Variants in KLRG1 observed in about 807,000 individuals in gnomAD.
KLRG1 encodes the protein killer cell lectin-like receptor subfamily G member 1.
In KLRG1, 16 loss-of-function variants were observed where a neutral mutation model predicts 21.8. That is an observed-to-expected ratio of 0.73 (90% CI 0.50 to 1.11). The LOEUF (loss-of-function observed/expected upper bound fraction) is 1.11. KLRG1 is among the 50% of genes most tolerant of loss of function. The pLI is 0.00. For missense variants in KLRG1, 173 were observed against 218.3 expected (o/e 0.79, Z 1.31); for synonymous variants, 69 against 75.9 (o/e 0.91, Z 0.47).
intron 1 of KLRG1, among the ~76,000 whole-genome samples, chr12:8,952,296 G>A (rs1439575573): frequency 6.6e-6 from 1 of 152,166 alleles, no homozygotes; most frequent in East Asian, 1.9e-4. Flanking sequence ...GTAATTAACA[G>A]TCCTAGAACC....
At chr12:9,044,576 A>T in the KLRG1 span, among the ~76,000 whole-genome samples, 2 of 152,142 alleles carry the variant, frequency 1.3e-5, no homozygotes, top group Middle Eastern at 3.2e-3. Context: ...CTGAGGCAGG[A>T]GAACTGCTTG....
At chr12:9,077,398 G>T in the KLRG1 span, 9 of 1,613,410 alleles carry the variant, frequency 5.6e-6, no homozygotes, top group South Asian at 1.1e-5. Context: ...GGCGGAGAGG[G>T]TCACTTCATC....
At chr12:9,080,207 A>G in the KLRG1 span, 1 of 1,429,142 alleles carries the variant, frequency 7.0e-7, no homozygotes, top group Non-Finnish European at 9.7e-7. Context: ...AGACATATGA[A>G]AATTATTTCT....
the KLRG1 span, chr12:9,160,518 G>T: frequency 6.3e-7 from 1 of 1,595,994 alleles, no homozygotes; most frequent in South Asian, 1.1e-5. Context: ...TTAGATGTCA[G>T]AATAATTTCA....
At position 8,967,117 on chromosome 12, in the gene KLRG1, T is replaced by C. The variant is rs951226758; in HGVS notation, c.-156+16881T>C. Among the ~76,000 whole-genome samples, 47 of 140,996 alleles carry C rather than the reference T, an allele frequency of 3.3e-4. 1 individual carries two copies. The highest frequency in any genetic ancestry group is 1.2e-3 in the African/African-American group (45 of 37,782). The allele number at this position is 140,996 out of a possible 152,430, so 92.5% of individuals were successfully genotyped here. A position where few individuals can be genotyped will look rare whatever the true frequency, so the allele number is the denominator to read the frequency against. On this transcript the variant is annotated intron_variant, in intron 1 of 4. Transcript: ENST00000539240. ...ACCAAACACCGCATGTTCTCACTCA[T>C]AGGTGGGACTTGAACTATGAGAACA...
upstream of KLRG1, among the ~76,000 whole-genome samples, chr12:8,988,114 A>G (rs747445315): frequency 6.6e-6 from 1 of 152,212 alleles, no homozygotes; most frequent in African/African-American, 2.4e-5. Context: ...ACAGACATAC[A>G]GTGAATTCCT....
chr12:9,079,300 A>G, the KLRG1 span: 21 of 1,613,714 alleles, frequency 1.3e-5, no homozygotes, highest in South Asian at 8.8e-5. Context: ...AGGAGCCATC[A>G]TAGTGTTTGT....
At chr12:9,070,510 G>T in the KLRG1 span, 1 of 1,613,416 alleles carries the variant, frequency 6.2e-7, no homozygotes, top group Non-Finnish European at 8.5e-7. Context: ...TGGCTTCAGG[G>T]GAATGAAGCC....
the KLRG1 span, among the ~76,000 whole-genome samples, chr12:9,024,849 C>A: frequency 6.6e-6 from 1 of 152,256 alleles, no homozygotes; most frequent in Admixed American, 6.5e-5. Flanking sequence ...GCTAGTAATG[C>A]TCTCACAGGG....
At chr12:8,998,558 G>A (rs1455250959) in intron 3 of KLRG1, among the ~76,000 whole-genome samples, 6 of 151,538 alleles carry the variant, frequency 4.0e-5, no homozygotes, top group South Asian at 2.1e-4. Flanking sequence ...GTGTGGTGGC[G>A]CACACCTGTG....
the KLRG1 span, among the ~76,000 whole-genome samples, chr12:9,053,853 A>G: frequency 3.3e-5 from 5 of 152,158 alleles, no homozygotes; most frequent in African/African-American, 1.2e-4. Flanking sequence ...ACTGACATCA[A>G]CTGGTCTGAA....
the KLRG1 span, among the ~76,000 whole-genome samples, chr12:9,207,326 C>T: frequency 6.6e-6 from 1 of 152,150 alleles, no homozygotes; most frequent in South Asian, 2.1e-4. Context: ...CACCTCAGTG[C>T]CTATGTGCTA....
the KLRG1 span, among the ~76,000 whole-genome samples, chr12:9,162,053 C>T: frequency 2.0e-5 from 3 of 152,122 alleles, no homozygotes; most frequent in African/African-American, 7.2e-5. Flanking sequence ...CCTCCCCCTG[C>T]CCGGCTCAAG....
the KLRG1 span, chr12:9,095,732 T>TTATTTG: frequency 2.2e-3 from 2,575 of 1,151,156 alleles, 18 homozygotes; most frequent in Non-Finnish European, 2.5e-3. Flanking sequence ...AAAGGCAAAC[T>TTATTTG]TATTTGTGAC....
In KLRG1 at chr12:9,009,727, AG is replaced by A; in HGVS notation, c.*191del. 7.0e-7 allele frequency: 1 copy of A among 1,419,422 alleles called. No homozygotes were observed. Among genetic ancestry groups the A allele is most frequent in the East Asian group, 2.5e-5 (1 of 39,250 alleles). The allele number at this position is 1,419,422 out of a possible 1,614,324, so 87.9% of individuals were successfully genotyped here. On this transcript the variant is annotated 3_prime_UTR_variant, in exon 5 of 5. Transcript: ENST00000356986. Reference sequence around the variant, plus strand: ...TGATGGATTCTCTTTGAGACTATTTAGATATTATGTGAGCAATTTAAAGACC... The same window carrying A: ...TGATGGATTCTCTTTGAGACTATTTAATATTATGTGAGCAATTTAAAGACC...
chr12:9,144,014 C>T, the KLRG1 span, among the ~76,000 whole-genome samples: 1 of 152,234 alleles, frequency 6.6e-6, no homozygotes, highest in Non-Finnish European at 1.5e-5. Context: ...CCCACTGGTC[C>T]TCTGAGGATC....
At chr12:9,056,126 A>T in the KLRG1 span, among the ~76,000 whole-genome samples, 2 of 152,212 alleles carry the variant, frequency 1.3e-5, no homozygotes, top group Non-Finnish European at 2.9e-5. Context: ...CACTGTATTC[A>T]GCAAATTTGC....
intron 1 of KLRG1, among the ~76,000 whole-genome samples, chr12:8,968,386 A>G (rs1946514116): frequency 6.6e-6 from 1 of 152,210 alleles, no homozygotes; most frequent in South Asian, 2.1e-4. Context: ...TTTATAAGGG[A>G]TAAGGGGTGA....
chr12:9,190,506 C>T, the KLRG1 span, among the ~76,000 whole-genome samples: 4 of 151,052 alleles, frequency 2.6e-5, no homozygotes, highest in African/African-American at 7.3e-5. Flanking sequence ...GGGTGGAGGG[C>T]GGGAGGAGGG....
Sources: allele counts gnomAD v4.1 joint callset (sites outside exome capture counted in the v4.1 genomes callset), GRCh38; gene constraint gnomAD v4.1.1; transcripts MANE v1.5; gene names NCBI Gene and HGNC (gene_info 2026-07-23, HGNC 2026-07-21).